The following GSG1L variants were observed in gnomAD, a reference collection of about 807,000 sequenced individuals.
GSG1L encodes the protein germ cell-specific gene 1-like protein.
GSG1L carries 24 observed loss-of-function variants against 42.1 expected under a neutral mutation model. That is an observed-to-expected ratio of 0.57 (90% CI 0.41 to 0.80). The LOEUF is 0.80. GSG1L is among the 30% of genes least tolerant of loss of function. The pLI is 0.00. For missense variants in GSG1L, 445 were observed against 472.2 expected (o/e 0.94, Z 0.53); for synonymous variants, 215 against 203.5 (o/e 1.06, Z -0.48).
intron 2 of GSG1L, among the ~76,000 whole-genome samples, chr16:27,909,435 G>A (rs1282260249): frequency 3.8e-5 from 5 of 131,306 alleles, no homozygotes; most frequent in African/African-American, 1.5e-4. Context: ...CTGAACTGCA[G>A]CGGTGTAGTG....
At chr16:27,822,509 C>A (rs530972894) in intron 5 of GSG1L, among the ~76,000 whole-genome samples, 8 of 152,128 alleles carry the variant, frequency 5.3e-5, no homozygotes, top group Non-Finnish European at 1.0e-4. Context: ...CTTGATCCCC[C>A]GGACTCAAGT....
intron 1 of GSG1L, among the ~76,000 whole-genome samples, chr16:28,017,085 G>A (rs912962142): frequency 6.6e-6 from 1 of 152,248 alleles, no homozygotes; most frequent in South Asian, 2.1e-4. Context: ...TCTGATGTCT[G>A]AGAATATCAA....
intron 1 of GSG1L, among the ~76,000 whole-genome samples, chr16:28,024,380 C>T (rs1322503357): frequency 1.3e-5 from 2 of 152,228 alleles, no homozygotes; most frequent in Admixed American, 6.5e-5. Context: ...AAACTTGCAT[C>T]TGACATGATG....
At chr16:27,955,447 T>C (rs1282645482) in intron 2 of GSG1L, among the ~76,000 whole-genome samples, 2 of 151,602 alleles carry the variant, frequency 1.3e-5, no homozygotes, top group African/African-American at 2.4e-5. Context: ...AAATAAGATA[T>C]TAAAAGCTTC....
In GSG1L at chr16:27,788,698, T is replaced by A. The variant is rs2082718981; in HGVS notation, c.*2672A>T. 1 of 152,248 alleles carries A rather than the reference T, an allele frequency of 6.6e-6. No homozygotes were observed. The highest frequency in any genetic ancestry group is 1.5e-5 in the Non-Finnish European group (1 of 68,054). 9.4% of individuals were successfully genotyped at this position (152,248 alleles called of 1,614,324 possible). ...TAGACTACAGCTCCCACAGCCCCGA[T>A]TTCCCCTTGTTGTCCTGTTAGTAAA... On this transcript the variant is annotated 3_prime_UTR_variant, in exon 7 of 7. Coordinates refer to ENST00000447459, the MANE Select transcript of GSG1L (RefSeq NM_001109763.2).
intron 2 of GSG1L, among the ~76,000 whole-genome samples, chr16:27,903,884 G>A (rs936392055): frequency 6.6e-6 from 1 of 152,016 alleles, no homozygotes; most frequent in Non-Finnish European, 1.5e-5. Context: ...CAGAGCCAGC[G>A]GTCACCTGTA....
chr16:27,927,666 C>T (rs1309328789), intron 2 of GSG1L, among the ~76,000 whole-genome samples: 1 of 152,208 alleles, frequency 6.6e-6, no homozygotes, highest in Non-Finnish European at 1.5e-5. Context: ...TGGCTCCCAC[C>T]CATCCTCAGT....
chr16:27,938,377 G>C (rs1206159666), intron 2 of GSG1L, among the ~76,000 whole-genome samples: 2 of 119,684 alleles, frequency 1.7e-5, no homozygotes, highest in South Asian at 3.0e-4. Context: ...GACAGAGCGA[G>C]ACTCCATTAA....
intron 3 of GSG1L, among the ~76,000 whole-genome samples, chr16:27,849,275 A>AGCAGGGCCAT (rs2083480759): frequency 6.6e-6 from 1 of 151,106 alleles, no homozygotes; most frequent in Non-Finnish European, 1.5e-5. Context: ...GGCAGGCAGG[A>AGCAGGGCCAT]GCAGGGCCAT....
At chr16:27,887,788 TTTTTC>T (rs1169378081) in intron 2 of GSG1L, among the ~76,000 whole-genome samples, 3 of 152,296 alleles carry the variant, frequency 2.0e-5, no homozygotes, top group Non-Finnish European at 2.9e-5. Context: ...TTCTTCCCTT[TTTTTC>T]TTTTCTTTTC....
At chr16:27,900,058 T>C (rs1468538549) in intron 2 of GSG1L, among the ~76,000 whole-genome samples, 1 of 152,186 alleles carries the variant, frequency 6.6e-6, no homozygotes, top group African/African-American at 2.4e-5. Flanking sequence ...CTCCCCATCC[T>C]GAGCACTAAT....
rs555628388 is a variant in GSG1L at position 28,047,457 on chromosome 16, G to A, written c.349+15619C>T. ...AAAAAGAAAGAAGTGAAAGAAGTGAGGCCAAGTGTATTTGTTATAGAAATA... is the reference window on the plus strand; with the variant it reads ...AAAAAGAAAGAAGTGAAAGAAGTGAAGCCAAGTGTATTTGTTATAGAAATA... On this transcript the variant is annotated intron_variant, in intron 1 of 6. Coordinates refer to ENST00000447459, the MANE Select transcript of GSG1L (RefSeq NM_001109763.2). Among the ~76,000 whole-genome samples, 139 of 151,950 alleles carry A rather than the reference G, an allele frequency of 9.1e-4. 1 individual carries two copies. The highest frequency in any genetic ancestry group is 1.8e-3 in the Non-Finnish European group (123 of 67,988).
At chr16:27,921,649 A>G (rs1183336528) in intron 2 of GSG1L, among the ~76,000 whole-genome samples, 2 of 152,064 alleles carry the variant, frequency 1.3e-5, no homozygotes, top group Admixed American at 1.3e-4. Context: ...AGCTTTCTCA[A>G]TTGTGCCCCA....
chr16:27,943,030 A>G (rs1177125084), intron 2 of GSG1L, among the ~76,000 whole-genome samples: 1 of 152,012 alleles, frequency 6.6e-6, no homozygotes, highest in Non-Finnish European at 1.5e-5. Context: ...GGACTTGAGA[A>G]TTTGCAGAGT....
intron 1 of GSG1L, among the ~76,000 whole-genome samples, chr16:28,050,470 G>A (rs1199397683): frequency 6.6e-6 from 1 of 152,148 alleles, no homozygotes; most frequent in Non-Finnish European, 1.5e-5. Flanking sequence ...CCAGGTAGGA[G>A]GACAGATCCT....
rs575530615 is a variant in GSG1L, at chr16:27,799,126, G to A, written c.899-7659C>T. ...CTGGACATAAACAAGGGAGCAGGCC[G>A]GGTGTGGTGTCTCATGCCTGTAATC... On this transcript the variant is annotated intron_variant, in intron 6 of 6. Transcript: ENST00000447459. Among the ~76,000 whole-genome samples, 8 of 152,172 alleles carry A rather than the reference G, an allele frequency of 5.3e-5. No homozygotes were observed. The South Asian group carries it at 6.2e-4, about 12-fold the overall frequency.
At position 27,823,325 on chromosome 16, in the gene GSG1L, G is replaced by T. The variant is rs12598412; in HGVS notation, c.830+5464C>A. Among the ~76,000 whole-genome samples, 26 of 152,138 alleles carry T rather than the reference G, an allele frequency of 1.7e-4. No homozygotes were observed. In the East Asian group the frequency reaches 4.5e-3, roughly 26 times the overall value. On this transcript the variant is annotated intron_variant, in intron 5 of 6. Transcript: ENST00000447459. ...CACATGACCATGTGCACATGCATAC[G>T]CACACGCACACAGACGCGCACACAC...
intron 5 of GSG1L, among the ~76,000 whole-genome samples, chr16:27,820,819 C>T (rs1299945508): frequency 2.0e-5 from 3 of 152,164 alleles, no homozygotes; most frequent in Non-Finnish European, 2.9e-5. Context: ...TACCACCAGC[C>T]TCCAACCCCA....
At chr16:27,960,061 A>G (rs1024288071) in intron 2 of GSG1L, among the ~76,000 whole-genome samples, 1 of 151,974 alleles carries the variant, frequency 6.6e-6, no homozygotes, top group African/African-American at 2.4e-5. Context: ...TATTGGAGAA[A>G]ATGGGAATGG....
Sources: allele counts gnomAD v4.1 joint callset (sites outside exome capture counted in the v4.1 genomes callset), GRCh38; gene constraint gnomAD v4.1.1; transcripts MANE v1.5; gene names NCBI Gene and HGNC (gene_info 2026-07-23, HGNC 2026-07-21).